Variants in TAB2 observed in about 807,000 individuals in gnomAD.
The protein encoded by TAB2 is TGF-beta-activated kinase 1 and MAP3K7-binding protein 2.
In TAB2, 3 loss-of-function variants were observed where a neutral mutation model predicts 65.0. The ratio of observed to expected loss-of-function variants is 0.05; its 90% CI spans 0.02 to 0.12. The LOEUF (loss-of-function observed/expected upper bound fraction) is 0.12, where lower values mean the gene tolerates loss of function less well. TAB2 is among the 10% of genes least tolerant of loss of function. TAB2 has a pLI of 1.00. For synonymous variants in TAB2, 298 were observed against 285.1 expected (o/e 1.05, Z -0.46); for missense variants, 623 against 840.3 (o/e 0.74, Z 3.20).
At position 149,391,830 on chromosome 6, in the gene TAB2, C is replaced by T. The variant is rs1470298396; in HGVS notation, c.1604-5774C>T. On this transcript the variant is annotated intron_variant, in intron 3 of 6. Transcript: ENST00000637181. ...TGCTGGGATTACAGGCATGAGCCAT[C>T]ATACCCGGCCCCTCCTTGTCTTTCC... Among the ~76,000 whole-genome samples, 3 of 152,158 alleles carry T rather than the reference C, an allele frequency of 2.0e-5. No individual in the cohort carries two copies. The East Asian group carries it at 5.8e-4, about 29-fold the overall frequency.
intron 1 of TAB2, among the ~76,000 whole-genome samples, chr6:149,222,549 C>G (rs536229244): frequency 6.7e-6 from 1 of 149,910 alleles, no homozygotes; most frequent in Admixed American, 6.7e-5. Flanking sequence ...ACCTGAGAGG[C>G]GGAGGTTGCA....
intron 1 of TAB2, among the ~76,000 whole-genome samples, chr6:149,338,994 C>T (rs1025099712): frequency 3.3e-5 from 5 of 152,238 alleles, no homozygotes; most frequent in Non-Finnish European, 7.3e-5. Flanking sequence ...AGCAAGCAGT[C>T]CGTGCTGTTT....
chr6:149,234,552 C>T (rs1342355960), intron 1 of TAB2, among the ~76,000 whole-genome samples: 4 of 152,178 alleles, frequency 2.6e-5, no homozygotes, highest in Non-Finnish European at 5.9e-5. Context: ...AAATCAACCT[C>T]CCCATTTCAC....
intron 1 of TAB2, among the ~76,000 whole-genome samples, chr6:149,311,193 A>G (rs1779160663): frequency 6.6e-6 from 1 of 152,128 alleles, no homozygotes; most frequent in African/African-American, 2.4e-5. Context: ...CATTTTTCCT[A>G]CAGTTCTGCA....
rs117731711 is a variant in TAB2 at position 149,329,492 on chromosome 6, G to A, written c.-90+11477G>A. Among the ~76,000 whole-genome samples the A allele has an allele frequency of 5.3e-3, 808 of 152,254 alleles. 5 individuals carry two copies. The highest frequency in any genetic ancestry group is 7.9e-3 in the Non-Finnish European group (534 of 68,014). On this transcript the variant is annotated intron_variant, in intron 1 of 6. Transcript: ENST00000637181. ...TTTGTTGATTTTAAGGTTCTATGGA[G>A]GGAGAAAGAGGAAGACTTCACTTGA...
chr6:149,226,897 C>T (rs1777291609), intron 1 of TAB2, among the ~76,000 whole-genome samples: 2 of 152,150 alleles, frequency 1.3e-5, no homozygotes, highest in Admixed American at 6.5e-5. Context: ...GTGTTTAGAG[C>T]TCAAAAGTGT....
intron 1 of TAB2, among the ~76,000 whole-genome samples, chr6:149,239,930 T>C (rs1358658312): frequency 6.6e-6 from 1 of 152,092 alleles, no homozygotes; most frequent in African/African-American, 2.4e-5. Context: ...GCCAGTCTAT[T>C]CAAATTCTCA....
intron 1 of TAB2, among the ~76,000 whole-genome samples, chr6:149,326,236 A>G (rs180824125): frequency 1.1e-3 from 167 of 151,064 alleles, no homozygotes; most frequent in Admixed American, 2.1e-3. Context: ...TAAGACAAAA[A>G]TTTTTAGCCT....
At chr6:149,328,741 T>C (rs900998357) in intron 1 of TAB2, among the ~76,000 whole-genome samples, 2 of 152,176 alleles carry the variant, frequency 1.3e-5, no homozygotes, top group African/African-American at 4.8e-5. Flanking sequence ...ACATGTGATA[T>C]ACTGTGACAA....
intron 3 of TAB2, among the ~76,000 whole-genome samples, chr6:149,386,846 G>C (rs1362959451): frequency 3.9e-5 from 6 of 152,084 alleles, no homozygotes; most frequent in Non-Finnish European, 8.8e-5. Flanking sequence ...ATTTTGATTT[G>C]CATTTCCCTA....
At chr6:149,273,372 T>C (rs534892121) in intron 1 of TAB2, among the ~76,000 whole-genome samples, 2 of 152,316 alleles carry the variant, frequency 1.3e-5, no homozygotes, top group Admixed American at 1.3e-4. Flanking sequence ...ATTCTTGGCA[T>C]GGAACAAACA....
intron 3 of TAB2, among the ~76,000 whole-genome samples, chr6:149,385,770 G>A (rs372806977): frequency 3.9e-5 from 6 of 151,994 alleles, no homozygotes. Context: ...TGCCTCCTAA[G>A]GTAGCATATT....
At chr6:149,399,279 T>A (rs1253902027) in intron 6 of TAB2, 95 bp downstream of exon 6, 3 of 895,688 alleles carry the variant, frequency 3.3e-6, no homozygotes. Context: ...CTAGAATTGC[T>A]TCAAACTTTG....
At chr6:149,264,229 G>T (rs1778215025) in intron 1 of TAB2, among the ~76,000 whole-genome samples, 1 of 152,162 alleles carries the variant, frequency 6.6e-6, no homozygotes, top group Admixed American at 6.6e-5. Context: ...TTGGAGCAGA[G>T]ACTCCACTGT....
chr6:149,370,308 G>A (rs1018941677), intron 2 of TAB2, among the ~76,000 whole-genome samples: 2 of 152,164 alleles, frequency 1.3e-5, no homozygotes, highest in Admixed American at 1.3e-4. Flanking sequence ...GACTTGTAGA[G>A]TAGATGTGAG....
intron 1 of TAB2, among the ~76,000 whole-genome samples, chr6:149,236,554 T>C (rs1562382688): frequency 6.6e-6 from 1 of 152,194 alleles, no homozygotes; most frequent in Non-Finnish European, 1.5e-5. Context: ...GTTGGTGAAA[T>C]GGCCCAGAAA....
chr6:149,333,665 TG>T (rs1338524679), intron 1 of TAB2, among the ~76,000 whole-genome samples: 1 of 151,892 alleles, frequency 6.6e-6, no homozygotes, highest in Non-Finnish European at 1.5e-5. Context: ...ATTAGGAGAT[TG>T]GGTATTTTTA....
chr6:149,240,007 C>T (rs1777568641), intron 1 of TAB2, among the ~76,000 whole-genome samples: 2 of 151,416 alleles, frequency 1.3e-5, no homozygotes, highest in Non-Finnish European at 2.9e-5. Context: ...GATGGCAGAG[C>T]TATGGACAGC....
Position 149,400,272 on chromosome 6 carries a change from C to A in TAB2, c.1939+1088C>A, listed in dbSNP as rs1782328364. 3 of 1,111,156 alleles carry A rather than the reference C, an allele frequency of 2.7e-6. No individual in the cohort carries two copies. In the South Asian group the frequency reaches 4.6e-5, roughly 17 times the overall value. The allele number at this position is 1,111,156 out of a possible 1,614,324, so 68.8% of individuals were successfully genotyped here. On this transcript the variant is annotated intron_variant, in intron 6 of 6. Coordinates refer to ENST00000637181, the MANE Select transcript of TAB2 (RefSeq NM_001292034.3). The stretch of plus-strand genomic sequence containing the variant: ...GGAGGGAGCCCAGGATGTGCACGCA[C>A]CCTCTCCCTCATCCACCGCTGTCAC...
Sources: allele counts gnomAD v4.1 joint callset (sites outside exome capture counted in the v4.1 genomes callset), GRCh38; gene constraint gnomAD v4.1.1; transcripts MANE v1.5; gene names NCBI Gene and HGNC (gene_info 2026-07-23, HGNC 2026-07-21).